The following UTS2 variants were observed in gnomAD, a reference collection of about 807,000 sequenced individuals.
UTS2 encodes urotensin-2.
Under a neutral mutation model 12.6 loss-of-function variants are expected in UTS2, and 10 were observed. The observed-to-expected ratio is 0.80, with a 90% CI of 0.49 to 1.35. The LOEUF (loss-of-function observed/expected upper bound fraction) is 1.35. UTS2 is among the 40% of genes most tolerant of loss of function. UTS2 has a pLI of 0.00. For missense variants in UTS2, 142 were observed against 143.2 expected (o/e 0.99, Z 0.04); for synonymous variants, 52 against 50.0 (o/e 1.04, Z -0.17).
chr1:7,891,576 G>GAAAGAAAGAAAGAAAGAAAA, the UTS2 span, among the ~76,000 whole-genome samples: 17 of 150,580 alleles, frequency 1.1e-4, no homozygotes, highest in African/African-American at 4.2e-4. Context: ...AAGAAAGAAA[G>GAAAGAAAGAAAGAAAGAAAA]AAAGAAAGAA....
In UTS2 at chr1:7,847,913, A is replaced by AC. The variant is rs1558503600; in HGVS notation, c.259-32_259-31insG. 6 of 1,482,774 alleles carry AC rather than the reference A, an allele frequency of 4.0e-6. No homozygotes were observed. The East Asian group carries it at 6.8e-5, about 17-fold the overall frequency. 91.9% of individuals were successfully genotyped at this position (1,482,774 alleles called of 1,614,324 possible). A position where few individuals can be genotyped will look rare whatever the true frequency, so the allele number is the denominator to read the frequency against. On this transcript the variant is annotated intron_variant, in intron 3 of 3. Transcript: ENST00000361696. ...ACAATCCAAACGAACAACAACAACAAAAAAAAACAGATAAGTTACCAACGA... is the reference window on the plus strand; with the variant it reads ...ACAATCCAAACGAACAACAACAACAACAAAAAAACAGATAAGTTACCAACGA...
At chr1:7,902,885 T>C in the UTS2 span, among the ~76,000 whole-genome samples, 1 of 152,132 alleles carries the variant, frequency 6.6e-6, no homozygotes, top group African/African-American at 2.4e-5. Context: ...CCTTCCGCGC[T>C]CAGAGCCTTC....
chr1:7,889,599 GT>G, the UTS2 span, among the ~76,000 whole-genome samples: 1 of 151,780 alleles, frequency 6.6e-6, no homozygotes, highest in Admixed American at 6.6e-5. Context: ...GAGGTCAGGA[GT>G]TTGAGACCAG....
the UTS2 span, among the ~76,000 whole-genome samples, chr1:7,874,445 C>G: frequency 8.5e-5 from 13 of 152,228 alleles, no homozygotes; most frequent in Non-Finnish European, 1.6e-4. Context: ...CCATGGAGTC[C>G]TGCTGACATT....
upstream of UTS2, among the ~76,000 whole-genome samples, chr1:7,857,475 TA>T (rs34590533): frequency 0.68 from 102,247 of 150,082 alleles, 36,006 homozygotes; most frequent in African/African-American, 0.88. Flanking sequence ...ACTACTATGT[TA>T]AAAAAAAAAA....
the UTS2 span, among the ~76,000 whole-genome samples, chr1:7,873,418 T>A: frequency 6.6e-6 from 1 of 152,222 alleles, no homozygotes; most frequent in Admixed American, 6.5e-5. Context: ...ACACTCTAGA[T>A]GCCATTAAGA....
At chr1:7,857,852 G>GAA (rs3034103), upstream of UTS2, among the ~76,000 whole-genome samples, 137 of 118,610 alleles carry the variant, frequency 1.2e-3, 1 homozygote, top group African/African-American at 3.5e-3. Context: ...CCAGTCTCCA[G>GAA]AAAAAAAAAA....
the UTS2 span, among the ~76,000 whole-genome samples, chr1:7,860,741 T>C: frequency 1.3e-5 from 2 of 151,738 alleles, no homozygotes; most frequent in African/African-American, 4.8e-5. Flanking sequence ...GACTAAATTA[T>C]GTTTAAAAGG....
At chr1:7,856,589 A>G (rs1469481726), upstream of UTS2, among the ~76,000 whole-genome samples, 1 of 36,068 alleles carries the variant, frequency 2.8e-5, no homozygotes, top group Admixed American at 2.3e-4. Flanking sequence ...TCCCTGGGGG[A>G]CCCCTGCTGG....
chr1:7,853,243 T>C (rs544083387), upstream of UTS2: 41 of 1,600,712 alleles, frequency 2.6e-5, no homozygotes, highest in South Asian at 1.8e-4. Flanking sequence ...TGTTGCCTAG[T>C]GTACAAAGTA....
chr1:7,883,718 A>G, the UTS2 span, among the ~76,000 whole-genome samples: 12 of 152,146 alleles, frequency 7.9e-5, no homozygotes, highest in Non-Finnish European at 1.2e-4. Context: ...AACTACCCCA[A>G]ACTTTAGCAA....
chr1:7,893,058 A>T, the UTS2 span, among the ~76,000 whole-genome samples: 1 of 152,238 alleles, frequency 6.6e-6, no homozygotes, highest in Admixed American at 6.5e-5. Context: ...CCTAGCTCGT[A>T]GCACAAGGAG....
upstream of UTS2, among the ~76,000 whole-genome samples, chr1:7,854,951 A>C (rs1638276776): frequency 6.6e-6 from 1 of 152,098 alleles, no homozygotes; most frequent in African/African-American, 2.4e-5. Context: ...ACCTGAGGTC[A>C]GGAGCTCAAG....
At chr1:7,867,802 G>A in the UTS2 span, among the ~76,000 whole-genome samples, 4 of 152,124 alleles carry the variant, frequency 2.6e-5, no homozygotes, top group Admixed American at 2.0e-4. Context: ...CTTGAACCCG[G>A]GAGGTGGAAG....
the UTS2 span, among the ~76,000 whole-genome samples, chr1:7,875,651 A>G: frequency 6.6e-6 from 1 of 152,138 alleles, no homozygotes; most frequent in African/African-American, 2.4e-5. Context: ...CTGAGGGCCA[A>G]GGGACTGACC....
the UTS2 span, among the ~76,000 whole-genome samples, chr1:7,907,141 C>T: frequency 1.1e-4 from 17 of 151,892 alleles, no homozygotes; most frequent in Admixed American, 4.6e-4. Flanking sequence ...TTGTAATCCC[C>T]GCTACTTCAG....
At chr1:7,851,895 T>A (rs1198187910) in intron 1 of UTS2, among the ~76,000 whole-genome samples, 2 of 152,268 alleles carry the variant, frequency 1.3e-5, no homozygotes, top group African/African-American at 4.8e-5. Context: ...TAAAATTTTT[T>A]AAGATGACAG....
chr1:7,903,605 G>C, the UTS2 span, among the ~76,000 whole-genome samples: 2 of 151,908 alleles, frequency 1.3e-5, no homozygotes, highest in Admixed American at 1.3e-4. Context: ...GGCCAGGCTG[G>C]TCTCGAACTC....
At chr1:7,865,657 G>C in the UTS2 span, among the ~76,000 whole-genome samples, 1 of 152,182 alleles carries the variant, frequency 6.6e-6, no homozygotes, top group African/African-American at 2.4e-5. Flanking sequence ...CCAAATACAG[G>C]CTGAGCATGG....
Sources: allele counts gnomAD v4.1 joint callset (sites outside exome capture counted in the v4.1 genomes callset), GRCh38; gene constraint gnomAD v4.1.1; transcripts MANE v1.5; gene names NCBI Gene and HGNC (gene_info 2026-07-23, HGNC 2026-07-21).